The following NUMA1 variants were observed in gnomAD, a reference collection of about 807,000 sequenced individuals.
NUMA1 encodes nuclear mitotic apparatus protein 1.
A neutral mutation model predicts 237.1 loss-of-function variants in NUMA1; 62 were observed. The ratio of observed to expected loss-of-function variants is 0.26; its 90% confidence interval spans 0.21 to 0.32. NUMA1 has a LOEUF of 0.32. Among genes scored for constraint, NUMA1 ranks in the 10% least tolerant of loss-of-function variants. The probability of loss-of-function intolerance (pLI) is 1.00; values close to 1 mark genes in which losing one functional copy is unlikely to be tolerated. For missense variants in NUMA1, 2,533 were observed against 2,666.5 expected, an observed-to-expected ratio of 0.95 and a Z score of 1.10; for synonymous variants, 1,028 against 1,066.1, an observed-to-expected ratio of 0.96 and a Z score of 0.70.
intron 7 of NUMA1, 23 bp downstream of exon 7, chr11:72,022,316 G>A (rs755997309): frequency 1.3e-6 from 2 of 1,544,612 alleles, no homozygotes; most frequent in Non-Finnish European, 1.8e-6. Context: ...CCTGCTAGGT[G>A]GCATGGAGGC....
At chr11:72,019,441 A>G in intron 9 of NUMA1, 53 bp downstream of exon 9, 3 of 1,599,204 alleles carry the variant, frequency 1.9e-6, no homozygotes, top group Non-Finnish European at 2.6e-6. Context: ...TAGGAATGTG[A>G]GGAATGGATG....
At chr11:72,032,973 G>GT (rs899685767) in intron 3 of NUMA1, among the ~76,000 whole-genome samples, 3 of 151,838 alleles carry the variant, frequency 2.0e-5, no homozygotes, top group African/African-American at 7.3e-5. Flanking sequence ...TATTTCTTTC[G>GT]TTTTTTCTAG....
Position 72,018,428 on chromosome 11 carries a change from C to G in NUMA1, c.828G>C (p.Lys276Asn), listed in dbSNP as rs576852365. The G allele has an allele frequency of 6.2e-7, 1 of 1,614,144 alleles. No homozygotes were observed. The highest frequency in any genetic ancestry group is 1.7e-5 in the Admixed American group (1 of 60,028). ...EKQAASPLEP[K>N]ELEELRDKNE... ...TCTTGTCACGCAGCTCCTCAAGCTCCTTGGGCTCCAGTGGGCTGGCCGCCT... is the reference window on the plus strand; with the variant it reads ...TCTTGTCACGCAGCTCCTCAAGCTCGTTGGGCTCCAGTGGGCTGGCCGCCT... The change falls in exon 11 of 27, where the codon AAG becomes AAC. Residue 276 changes from lysine to asparagine, a missense_variant. By Grantham distance (94) the Lys-to-Asn change is moderately conservative. Coordinates refer to ENST00000393695, the MANE Select transcript of NUMA1 (RefSeq NM_006185.4).
chr11:72,013,476 G>A lies in NUMA1; in HGVS notation c.4027C>T (p.Leu1343Phe), dbSNP rs913173864. ...GTGTGCTCGAGCTGCAGGGTGGAGA[G>A]GGCCTGCTCTTTCTGGAAGAACTTC... is the stretch of plus-strand genomic sequence containing the variant. ...QEKFFQKEQA[L>F]STLQLEHTST... is the part of the protein sequence containing the mutation. The change falls in exon 15 of 27, where the codon CTC becomes TTC. Residue 1343 changes from leucine (L) to phenylalanine (F), a missense_variant. Transcript: ENST00000393695. The surrounding 1 kb of genome is among the most constrained non-coding windows in gnomAD (Gnocchi z 6.8). The A allele has an allele frequency of 1.9e-6, 3 of 1,613,460 alleles. No individual in the cohort carries two copies.
intron 20 of NUMA1, chr11:72,007,911 T>C: frequency 2.8e-6 from 1 of 355,474 alleles, no homozygotes; most frequent in Non-Finnish European, 5.5e-6. Flanking sequence ...CCTGGTCTGC[T>C]TCATCTCCTC....
At chr11:72,012,785 A>C in intron 15 of NUMA1, 110 bp downstream of exon 15, 1 of 1,447,318 alleles carries the variant, frequency 6.9e-7, no homozygotes, top group Non-Finnish European at 9.3e-7. Flanking sequence ...GTGAATGAGG[A>C]AAGGCAAGAC....
chr11:72,009,152 T>G lies in NUMA1; in HGVS notation c.4873A>C (p.Lys1625Gln), dbSNP rs757395343. 1.1e-5 allele frequency: 17 copies of G among 1,607,288 alleles called. No homozygotes were observed. Among genetic ancestry groups the G allele is most frequent in the South Asian group, 3.3e-5 (3 of 90,932 alleles). Residue 1625 changes from lysine (K) to glutamine (Q), a missense_variant, in exon 19 of 27, where the codon AAG (lysine) becomes CAG (glutamine). Lys to Gln is a moderately conservative substitution (Grantham distance 53). Transcript: ENST00000393695. ...TCCTGCAGCTCTTGGTTCTGCTGCT[T>G]CTTGGCATCATAATGTGTTTTGGCT... ...EKAKTHYDAK[K>Q]QQNQELQEQL...
chr11:72,017,603 A>G, intron 13 of NUMA1, 84 bp downstream of exon 13: 1 of 1,530,572 alleles, frequency 6.5e-7, no homozygotes. Context: ...TAATACCCAA[A>G]GGCCCAGAAG....
intron 21 of NUMA1, 46 bp downstream of exon 21, chr11:72,007,143 G>C: frequency 6.3e-7 from 1 of 1,595,856 alleles, no homozygotes; most frequent in Non-Finnish European, 8.5e-7. Flanking sequence ...GCCCTTGAGA[G>C]GAAGTGGGAA....
chr11:72,014,670 C>T lies in NUMA1; in HGVS notation c.2833G>A (p.Gly945Arg). ...RELVKEPARA[G>R]DRQPEWLEEQ... ...TCCAGCCACTCGGGCTGTCTGTCTC[C>T]TGCCCTCGCAGGCTCCTTGACTAAC... is the stretch of plus-strand genomic sequence containing the variant. The change falls in exon 15 of 27, where the codon GGA becomes AGA. Residue 945 changes from glycine (G) to arginine (R), a missense_variant. Gly to Arg is a moderately radical substitution (Grantham distance 125). Transcript: ENST00000393695. The surrounding 1 kb of genome is among the most constrained non-coding windows in gnomAD (Gnocchi z 4.6). 4.3e-6 allele frequency: 7 copies of T among 1,613,222 alleles called. No individual in the cohort carries two copies. In the South Asian group the frequency reaches 6.6e-5, roughly 15 times the overall value.
chr11:72,047,117 G>C (rs1162070452), intron 2 of NUMA1, among the ~76,000 whole-genome samples: 1 of 152,064 alleles, frequency 6.6e-6, no homozygotes, highest in Non-Finnish European at 1.5e-5. Context: ...GAGTAGCTGG[G>C]ACTACATGCA....
rs1187748978 is a variant in NUMA1, at chr11:72,029,255, A to G, written c.78T>C (p.Ala26=). ...NSLHVADPVE[A]VLQLQDCSIF... ...TGCTGCAGTCCTGGAGCTGCAGCAC[A>G]GCCTCCACAGGGTCAGCCACGTGTA... Residue 26 remains alanine (A), a synonymous_variant, in exon 4 of 27, where the codon GCT becomes GCC. Transcript: ENST00000393695. 15 of 1,610,714 alleles carry G rather than the reference A, an allele frequency of 9.3e-6. No individual in the cohort carries two copies. The highest frequency in any genetic ancestry group is 1.3e-5 in the Non-Finnish European group (15 of 1,179,850).
At chr11:72,022,569 T>A (rs560808198) in intron 6 of NUMA1, 150 bp from the exon 7 acceptor site, 1 of 524,392 alleles carries the variant, frequency 1.9e-6, no homozygotes, top group African/African-American at 2.2e-5. Flanking sequence ...CCTTAACAGC[T>A]CCAGGAAACA....
Position 72,009,288 on chromosome 11 carries a change from C to A in NUMA1, c.4819G>T (p.Ala1607Ser). 1.2e-6 allele frequency: 2 copies of A among 1,613,356 alleles called. No individual in the cohort carries two copies. The highest frequency in any genetic ancestry group is 2.2e-5 in the East Asian group (1 of 44,862). The change falls in exon 18 of 27, where the codon GCT becomes TCT. Residue 1607 changes from alanine (A) to serine (S), a missense_variant. Around this residue, in one of 3 missense-constraint regions of NUMA1, gnomAD observed 795 missense variants for 750.8 expected, o/e 1.06. Coordinates refer to ENST00000393695, the MANE Select transcript of NUMA1 (RefSeq NM_006185.4). ...CTTACCTGCAGCTTATAGTGCTCAG[C>A]TGCCTGCTCCTTCTGGCTCAACTGG... is the stretch of plus-strand genomic sequence containing the variant. ...QAQLSQKEQA[A>S]EHYKLQMEKA...
At chr11:72,019,203 T>C (rs891974105) in intron 9 of NUMA1, among the ~76,000 whole-genome samples, 14 of 152,206 alleles carry the variant, frequency 9.2e-5, no homozygotes, top group African/African-American at 3.4e-4. Context: ...AAAAAAGTGA[T>C]ATATTCTCCT....
chr11:72,025,693 G>A (rs1000542596), intron 4 of NUMA1, among the ~76,000 whole-genome samples: 1 of 152,190 alleles, frequency 6.6e-6, no homozygotes, highest in Non-Finnish European at 1.5e-5. Context: ...CAATGCCAGA[G>A]ACATCCTGCA....
At chr11:72,003,563 C>G (rs1281794393) in intron 26 of NUMA1, 25 bp from the exon 27 acceptor site, 1 of 1,613,990 alleles carries the variant, frequency 6.2e-7, no homozygotes, top group African/African-American at 1.3e-5. Flanking sequence ...GTCACATGGC[C>G]AGATGAGAAC....
chr11:72,004,705 T>G lies in NUMA1; in HGVS notation c.5941A>C (p.Ile1981Leu). Residue 1981 changes from isoleucine (I) to leucine (L), a missense_variant, in exon 24 of 27, where the codon ATC (isoleucine) becomes CTC (leucine). By Grantham distance (5) the Ile-to-Leu change is conservative. Around this residue, in one of 3 missense-constraint regions of NUMA1, gnomAD observed 795 missense variants for 750.8 expected, o/e 1.06. Transcript: ENST00000393695. ...CGTTTGCGCTGCTGCCGGGTGGTGA[T>G]GCCAGTGCCCTCGGCTATCTGGATT... ...QPIQIAEGTG[I>L]TTRQQRKRVS... The G allele has an allele frequency of 3.7e-6, 6 of 1,613,874 alleles. No homozygotes were observed. The highest frequency in any genetic ancestry group is 5.1e-6 in the Non-Finnish European group (6 of 1,179,956).
chr11:72,079,818 G>C (rs913483093), intron 1 of NUMA1, among the ~76,000 whole-genome samples: 2 of 150,354 alleles, frequency 1.3e-5, no homozygotes, highest in African/African-American at 4.9e-5. Flanking sequence ...AGGTAAGGCA[G>C]GTAAGGTCAT....
Sources: gnomAD v4.1 joint callset for allele counts (sites outside exome capture counted in the v4.1 genomes callset) on GRCh38, gnomAD v4.1.1 for gene constraint, gnomAD v4.1.1 regional missense constraint, Gnocchi (gnomAD v3.1) non-coding constraint, MANE v1.5 for transcripts, NCBI Gene and HGNC (gene_info 2026-07-23, HGNC 2026-07-21) for gene names.